The following SETD3 variants were observed in gnomAD, a reference collection of about 807,000 sequenced individuals.
The protein encoded by SETD3 is actin-histidine N-methyltransferase.
SETD3 carries 19 observed loss-of-function variants against 63.0 expected under a neutral mutation model. That is an observed-to-expected ratio of 0.30 (90% CI 0.21 to 0.44). The LOEUF (loss-of-function observed/expected upper bound fraction) is 0.44. Among genes scored for constraint, SETD3 ranks in the 20% least tolerant of loss-of-function variants. The pLI, the probability that SETD3 is intolerant of heterozygous loss-of-function variation, is 1.00. For missense variants in SETD3, 587 were observed against 728.5 expected, an observed-to-expected ratio of 0.81 and a Z score of 2.24; for synonymous variants, 286 against 264.1, an observed-to-expected ratio of 1.08 and a Z score of -0.80.
intron 6 of SETD3, among the ~76,000 whole-genome samples, chr14:99,415,764 A>C (rs540331733): frequency 1.3e-5 from 2 of 152,376 alleles, no homozygotes; most frequent in South Asian, 4.1e-4. Flanking sequence ...GGTTAAAAAA[A>C]AGATTCTGCC....
chr14:99,416,544 T>C (rs1310649967), intron 6 of SETD3, among the ~76,000 whole-genome samples: 5 of 152,110 alleles, frequency 3.3e-5, no homozygotes. Context: ...AAACCAATTG[T>C]AACTGTAGAT....
chr14:99,397,968 T>G lies in SETD3; in HGVS notation c.*711A>C, dbSNP rs1383613877. The G allele has an allele frequency of 6.6e-6, 1 of 152,530 alleles. No homozygotes were observed. Among genetic ancestry groups the G allele is most frequent in the African/African-American group, 2.4e-5 (1 of 41,408 alleles). The allele number at this position is 152,530 out of a possible 1,614,324, so 9.4% of individuals were successfully genotyped here. ...CCAACATTTAAAATTAGGAGGATGA[T>G]GCATGTCCTACTTTGATTCAAGGAG... On this transcript the variant is annotated 3_prime_UTR_variant, in exon 13 of 13. Coordinates refer to ENST00000331768, the MANE Select transcript of SETD3 (RefSeq NM_032233.3).
chr14:99,414,920 T>G (rs1368715523), intron 6 of SETD3, among the ~76,000 whole-genome samples: 1 of 152,214 alleles, frequency 6.6e-6, no homozygotes, highest in Non-Finnish European at 1.5e-5. Context: ...CGTGACGCAT[T>G]GGCATCACAA....
chr14:99,430,786 ATGCCCACC>A (rs977600204), intron 6 of SETD3, among the ~76,000 whole-genome samples: 4 of 152,192 alleles, frequency 2.6e-5, no homozygotes, highest in African/African-American at 9.6e-5. Context: ...CACGAGCACC[ATGCCCACC>A]TGCCCACAAA....
chr14:99,435,022 T>A (rs1442655660), intron 6 of SETD3, among the ~76,000 whole-genome samples: 2 of 152,078 alleles, frequency 1.3e-5, no homozygotes, highest in East Asian at 3.9e-4. Flanking sequence ...TTAAAAAAAA[T>A]TATATTTTTA....
chr14:99,402,897 C>T (rs1891460311), intron 11 of SETD3, among the ~76,000 whole-genome samples: 1 of 152,202 alleles, frequency 6.6e-6, no homozygotes, highest in Non-Finnish European at 1.5e-5. Context: ...ATCACCATCA[C>T]CTCTCTTAAT....
chr14:99,467,905 T>C (rs1284901767), intron 1 of SETD3, among the ~76,000 whole-genome samples: 1 of 152,180 alleles, frequency 6.6e-6, no homozygotes, highest in Non-Finnish European at 1.5e-5. Context: ...CAACTCCAGT[T>C]GCTCATTGAT....
chr14:99,459,520 C>T (rs1894953245), intron 4 of SETD3, among the ~76,000 whole-genome samples: 1 of 152,142 alleles, frequency 6.6e-6, no homozygotes, highest in African/African-American at 2.4e-5. Context: ...CTTTACTGTA[C>T]TTTTAAGTTC....
In SETD3 at chr14:99,413,836, C is replaced by T. The variant is rs752979850; in HGVS notation, c.734+40G>A. 1.0e-5 allele frequency: 16 copies of T among 1,603,502 alleles called. No individual in the cohort carries two copies. The Middle Eastern group carries it at 1.0e-3, about 100-fold the overall frequency. ...TCCAGGATCCCACTTCACTTAGAAA[C>T]CACCCTCAATACACAGACACACTCA... On this transcript the variant is annotated intron_variant, in intron 7 of 12. Transcript: ENST00000331768.
At chr14:99,413,749 GCT>G (rs760082265) in intron 7 of SETD3, 125 bp downstream of exon 7, 47 of 819,702 alleles carry the variant, frequency 5.7e-5, no homozygotes, top group African/African-American at 1.0e-4. Context: ...TGAAAGATGA[GCT>G]CTGTTTGGAT....
In SETD3 at chr14:99,403,127, G is replaced by A. The variant is rs75613950; in HGVS notation, c.1177+1098C>T. Among the ~76,000 whole-genome samples, 1,004 of 152,248 alleles carry A rather than the reference G, an allele frequency of 6.6e-3. 6 individuals carry two copies. Among genetic ancestry groups the A allele is most frequent in the African/African-American group, 0.023 (952 of 41,548 alleles). On this transcript the variant is annotated intron_variant, in intron 11 of 12. Transcript: ENST00000331768. ...GACTGTATCTCAGTTTGGGTTCTGC[G>A]GTTGGTGTGTGAACTGCCTCTCCTG...
At chr14:99,454,128 T>C (rs1035881253) in intron 6 of SETD3, among the ~76,000 whole-genome samples, 1 of 152,164 alleles carries the variant, frequency 6.6e-6, no homozygotes, top group African/African-American at 2.4e-5. Context: ...ATCATTTGCA[T>C]GAATTTTTAA....
chr14:99,413,094 T>C, intron 7 of SETD3, 29 bp from the exon 8 acceptor site: 1 of 1,393,342 alleles, frequency 7.2e-7, no homozygotes, highest in South Asian at 1.2e-5. Context: ...TGACTTAAGG[T>C]TGGAACATTT....
At chr14:99,429,073 AG>A (rs1235267723) in intron 6 of SETD3, among the ~76,000 whole-genome samples, 1 of 152,224 alleles carries the variant, frequency 6.6e-6, no homozygotes, top group African/African-American at 2.4e-5. Flanking sequence ...TATGACTATT[AG>A]TCAAGATGGG....
intron 6 of SETD3, among the ~76,000 whole-genome samples, chr14:99,432,485 T>TA (rs556859782): frequency 2.0e-5 from 3 of 152,234 alleles, no homozygotes; most frequent in Non-Finnish European, 4.4e-5. Flanking sequence ...GTATTGCTTT[T>TA]AAGCCACCAA....
At chr14:99,410,290 G>C (rs763707614) in intron 8 of SETD3, 1 of 1,609,048 alleles carries the variant, frequency 6.2e-7, no homozygotes, top group Middle Eastern at 1.7e-4. Context: ...GTTGTTCGGA[G>C]AGACTTGTCT....
intron 3 of SETD3, among the ~76,000 whole-genome samples, chr14:99,462,555 CCTCAG>C (rs1214456071): frequency 3.9e-5 from 6 of 152,098 alleles, no homozygotes; most frequent in Non-Finnish European, 5.9e-5. Flanking sequence ...AATGCTTTAC[CCTCAG>C]TGTCAGGTAT....
In SETD3 at chr14:99,435,536, T is replaced by C. The variant is rs552941740; in HGVS notation, c.676-21602A>G. On this transcript the variant is annotated intron_variant, in intron 6 of 12. Coordinates refer to ENST00000331768, the MANE Select transcript of SETD3 (RefSeq NM_032233.3). ...ACAGTTACTCAATAGTTTACAGAACTGGCAAGGACTATCCTGGGCCATCAA... is the reference window on the plus strand; with the variant it reads ...ACAGTTACTCAATAGTTTACAGAACCGGCAAGGACTATCCTGGGCCATCAA... Among the ~76,000 whole-genome samples the C allele has an allele frequency of 5.6e-4, 85 of 152,322 alleles. 2 individuals carry two copies. The highest frequency in any genetic ancestry group is 2.7e-3 in the South Asian group (13 of 4,828).
At chr14:99,405,026 C>G (rs1001322928) in intron 10 of SETD3, among the ~76,000 whole-genome samples, 179 bp downstream of exon 10, 1 of 152,200 alleles carries the variant, frequency 6.6e-6, no homozygotes, top group African/African-American at 2.4e-5. Context: ...ATTATGTTTA[C>G]CTGAAAACGC....
Sources: allele counts gnomAD v4.1 joint callset (sites outside exome capture counted in the v4.1 genomes callset), GRCh38; gene constraint gnomAD v4.1.1; transcripts MANE v1.5; gene names NCBI Gene and HGNC (gene_info 2026-07-23, HGNC 2026-07-21).